GPC5: variants seen among roughly 807,000 people sequenced by gnomAD.
GPC5 encodes glypican-5.
GPC5 carries 47 observed loss-of-function variants against 53.9 expected under a neutral mutation model. The observed-to-expected ratio is 0.87, with a 90% CI of 0.69 to 1.11. GPC5 has a LOEUF of 1.11. GPC5 is among the 50% of genes most tolerant of loss of function. The pLI is 0.00. For synonymous variants in GPC5, 286 were observed against 263.3 expected, an observed-to-expected ratio of 1.09 and a Z score of -0.84; for missense variants, 748 against 713.1, an observed-to-expected ratio of 1.05 and a Z score of -0.56.
chr13:92,599,998 G>A (rs1298620065), intron 7 of GPC5, among the ~76,000 whole-genome samples: 1 of 152,160 alleles, frequency 6.6e-6, no homozygotes, highest in Non-Finnish European at 1.5e-5. Flanking sequence ...ATAGGACTTG[G>A]TGACTTACGG....
chr13:92,729,865 T>C (rs939273008), intron 7 of GPC5, among the ~76,000 whole-genome samples: 3 of 151,370 alleles, frequency 2.0e-5, no homozygotes, highest in African/African-American at 7.3e-5. Flanking sequence ...AATTGAATTA[T>C]TGTTTCTGTT....
chr13:92,717,324 A>T (rs1888365868), intron 7 of GPC5, among the ~76,000 whole-genome samples: 2 of 152,088 alleles, frequency 1.3e-5, no homozygotes, highest in African/African-American at 4.8e-5. Context: ...CTTGCCTCAG[A>T]GTTAGGTTCT....
rs141045755 is a variant in GPC5, at chr13:92,718,801, G to A, written c.1562-147481G>A. 8.8e-3 allele frequency among the ~76,000 whole-genome samples: 1,321 copies of A among 150,914 alleles called. 18 individuals carry two copies. Among genetic ancestry groups the A allele is most frequent in the African/African-American group, 0.03 (1,254 of 41,162 alleles). ...GGTGGGAGAATTGCTTGAGCCTTGA[G>A]CAATTGCCTCTGCCTTGAGGCAGAG... On this transcript the variant is annotated intron_variant, in intron 7 of 7. Coordinates refer to ENST00000377067, the MANE Select transcript of GPC5 (RefSeq NM_004466.6).
At chr13:91,752,219 TTTATG>T (rs2037193567) in intron 4 of GPC5, among the ~76,000 whole-genome samples, 1 of 152,014 alleles carries the variant, frequency 6.6e-6, no homozygotes, top group Non-Finnish European at 1.5e-5. Context: ...TTTTTAAAAT[TTTATG>T]TGTGGGTATG....
chr13:92,250,928 A>T (rs1195765989), intron 7 of GPC5, among the ~76,000 whole-genome samples: 1 of 152,128 alleles, frequency 6.6e-6, no homozygotes, highest in Non-Finnish European at 1.5e-5. Context: ...TCTGTTCGGA[A>T]AAAATGGGCA....
chr13:92,084,875 G>A (rs1367927261), intron 6 of GPC5, among the ~76,000 whole-genome samples: 1 of 152,136 alleles, frequency 6.6e-6, no homozygotes. Context: ...ACGTTAGACA[G>A]GATAATTTAG....
intron 7 of GPC5, among the ~76,000 whole-genome samples, chr13:92,741,060 A>G (rs1352251069): frequency 6.6e-6 from 1 of 150,444 alleles, no homozygotes; most frequent in Non-Finnish European, 1.5e-5. Context: ...GTAGGCATTC[A>G]GTAAAATGTT....
chr13:92,287,463 A>G (rs964839666), intron 7 of GPC5, among the ~76,000 whole-genome samples: 1 of 152,138 alleles, frequency 6.6e-6, no homozygotes. Flanking sequence ...GTCTCCAATT[A>G]TTATTGTAGA....
At chr13:92,684,522 G>A (rs1056723995) in intron 7 of GPC5, among the ~76,000 whole-genome samples, 40 of 152,168 alleles carry the variant, frequency 2.6e-4, no homozygotes, top group African/African-American at 9.4e-4. Context: ...ACCCACCTCA[G>A]CTTCCCAAAG....
At chr13:91,695,079 TC>T (rs1326662514) in intron 3 of GPC5, among the ~76,000 whole-genome samples, 1 of 152,056 alleles carries the variant, frequency 6.6e-6, no homozygotes, top group Non-Finnish European at 1.5e-5. Flanking sequence ...AAATGACACC[TC>T]CTTTAGGTGG....
At chr13:91,792,025 T>G (rs1395557417) in intron 5 of GPC5, among the ~76,000 whole-genome samples, 3 of 152,266 alleles carry the variant, frequency 2.0e-5, no homozygotes, top group Non-Finnish European at 2.9e-5. Flanking sequence ...ACGAATTCCA[T>G]GCTTTCAGAC....
At chr13:91,733,670 A>G (rs990805288) in intron 4 of GPC5, among the ~76,000 whole-genome samples, 1 of 152,140 alleles carries the variant, frequency 6.6e-6, no homozygotes, top group Non-Finnish European at 1.5e-5. Flanking sequence ...ATTTTTGCAC[A>G]ATGATTTTTT....
chr13:92,307,311 G>A (rs112986444), intron 7 of GPC5, among the ~76,000 whole-genome samples: 2,075 of 152,248 alleles, frequency 0.014, 55 homozygotes, highest in African/African-American at 0.047. Flanking sequence ...AAAATTAGCT[G>A]GGCATGGTAG....
At chr13:92,631,621 T>C (rs1396495474) in intron 7 of GPC5, among the ~76,000 whole-genome samples, 1 of 152,170 alleles carries the variant, frequency 6.6e-6, no homozygotes, top group Admixed American at 6.5e-5. Flanking sequence ...TGTTTTCCAT[T>C]GCCAAAAACT....
intron 7 of GPC5, among the ~76,000 whole-genome samples, chr13:92,431,073 TTACTC>T (rs1877062439): frequency 6.6e-6 from 1 of 152,148 alleles, no homozygotes; most frequent in East Asian, 1.9e-4. Context: ...CCCAAACCAA[TTACTC>T]TACTGATATT....
intron 2 of GPC5, among the ~76,000 whole-genome samples, chr13:91,479,727 A>G (rs547539308): frequency 5.3e-5 from 8 of 152,322 alleles, no homozygotes; most frequent in Non-Finnish European, 8.8e-5. Flanking sequence ...ATTGAATTAA[A>G]TAGAATATAA....
intron 2 of GPC5, among the ~76,000 whole-genome samples, chr13:91,489,894 T>A (rs1883838223): frequency 6.6e-6 from 1 of 152,182 alleles, no homozygotes; most frequent in Admixed American, 6.5e-5. Flanking sequence ...AGGAGACTGT[T>A]TTTCATGATC....
At chr13:91,661,437 C>A (rs1369321770) in intron 2 of GPC5, among the ~76,000 whole-genome samples, 1 of 152,174 alleles carries the variant, frequency 6.6e-6, no homozygotes, top group Non-Finnish European at 1.5e-5. Context: ...GCCCCTCCAG[C>A]CAGGATTGGG....
intron 6 of GPC5, among the ~76,000 whole-genome samples, chr13:92,041,795 T>C (rs1200608611): frequency 6.6e-6 from 1 of 152,210 alleles, no homozygotes; most frequent in Non-Finnish European, 1.5e-5. Context: ...AAGTGAGACA[T>C]TATCAGCATA....
Sources: allele counts gnomAD v4.1 joint callset (sites outside exome capture counted in the v4.1 genomes callset), GRCh38; gene constraint gnomAD v4.1.1; transcripts MANE v1.5; gene names NCBI Gene and HGNC (gene_info 2026-07-23, HGNC 2026-07-21).